The following GPC6 variants were observed in gnomAD, a reference collection of about 807,000 sequenced individuals.
GPC6 encodes glypican-6.
GPC6 carries 14 observed loss-of-function variants against 55.2 expected under a neutral mutation model. The ratio of observed to expected loss-of-function variants is 0.25; its 90% CI spans 0.17 to 0.40. The LOEUF is 0.40. GPC6 is among the 10% of genes least tolerant of loss of function. The probability of loss-of-function intolerance (pLI) is 1.00; values close to 1 mark genes in which losing one functional copy is unlikely to be tolerated. For missense variants in GPC6, 641 were observed against 708.5 expected (o/e 0.90, Z 1.08); for synonymous variants, 278 against 259.6 (o/e 1.07, Z -0.68).
At chr13:93,418,700 G>A (rs149780923) in intron 1 of GPC6, among the ~76,000 whole-genome samples, 2,842 of 149,672 alleles carry the variant, frequency 0.019, 111 homozygotes, top group African/African-American at 0.066. Context: ...ATACCGTAGT[G>A]TCATTTTGTT....
At chr13:93,221,622 T>C in the GPC6 span, among the ~76,000 whole-genome samples, 2 of 152,230 alleles carry the variant, frequency 1.3e-5, no homozygotes, top group Non-Finnish European at 2.9e-5. Context: ...TAGTATTTCA[T>C]TGGATATAAA....
intron 3 of GPC6, among the ~76,000 whole-genome samples, chr13:93,916,631 T>A (rs1240307732): frequency 1.3e-5 from 2 of 152,166 alleles, no homozygotes; most frequent in Admixed American, 6.5e-5. Context: ...GAAAGCAGAT[T>A]TTTTTTCTGC....
At chr13:93,798,264 A>G (rs560518576) in intron 2 of GPC6, among the ~76,000 whole-genome samples, 1 of 152,228 alleles carries the variant, frequency 6.6e-6, no homozygotes, top group South Asian at 2.1e-4. Context: ...TCTAATTGGG[A>G]CTAGATTTAA....
intron 2 of GPC6, among the ~76,000 whole-genome samples, chr13:93,669,236 T>C (rs1340163979): frequency 6.6e-6 from 1 of 152,170 alleles, no homozygotes. Flanking sequence ...GGCATTGTAT[T>C]GCAATGCCGG....
chr13:93,243,279 A>G (rs780351344), intron 1 of GPC6, among the ~76,000 whole-genome samples: 108 of 152,202 alleles, frequency 7.1e-4, no homozygotes, highest in Admixed American at 1.6e-3. Flanking sequence ...GATTCTTCCA[A>G]TGAACTTTCC....
chr13:93,223,180 G>T (rs1430249285), upstream of GPC6, among the ~76,000 whole-genome samples: 3 of 152,130 alleles, frequency 2.0e-5, no homozygotes, highest in South Asian at 4.1e-4. Context: ...AAGCAAAAAA[G>T]AAAGGGCGAT....
chr13:94,014,311 C>A (rs957130069), intron 3 of GPC6, among the ~76,000 whole-genome samples: 1 of 152,292 alleles, frequency 6.6e-6, no homozygotes, highest in East Asian at 1.9e-4. Flanking sequence ...AGGTCATGCA[C>A]GTCAAGCTAA....
Position 93,547,808 on chromosome 13 carries a change from C to A in GPC6, c.319+2387C>A, listed in dbSNP as rs566692751. On this transcript the variant is annotated intron_variant, in intron 2 of 8. Transcript: ENST00000377047. Reference sequence around the variant, plus strand: ...ACTTAATAATAATAATAATAATCATCATCATCATCAATTAAAAAGTCACTG... The same window carrying A: ...ACTTAATAATAATAATAATAATCATAATCATCATCAATTAAAAAGTCACTG... 1.4e-3 allele frequency among the ~76,000 whole-genome samples: 207 copies of A among 151,954 alleles called. 1 individual carries two copies. The highest frequency in any genetic ancestry group is 2.5e-3 in the African/African-American group (102 of 41,446).
chr13:93,658,985 A>G (rs1238450535), intron 2 of GPC6, among the ~76,000 whole-genome samples: 2 of 151,910 alleles, frequency 1.3e-5, no homozygotes, highest in African/African-American at 4.8e-5. Context: ...TTTCATCAGT[A>G]AAAGCATAGA....
At chr13:93,865,630 ACTGT>A (rs1200396005) in intron 3 of GPC6, among the ~76,000 whole-genome samples, 1 of 151,714 alleles carries the variant, frequency 6.6e-6, no homozygotes, top group African/African-American at 2.4e-5. Context: ...GCAAGACTGC[ACTGT>A]CTTTCATATA....
chr13:94,277,324 A>G lies in GPC6; in HGVS notation c.878-9025A>G, dbSNP rs1892247054. Among the ~76,000 whole-genome samples the G allele has an allele frequency of 3.3e-5, 5 of 150,076 alleles. No homozygotes were observed. In the South Asian group the frequency reaches 1.0e-3, roughly 31 times the overall value. On this transcript the variant is annotated intron_variant, in intron 4 of 8. Coordinates refer to ENST00000377047, the MANE Select transcript of GPC6 (RefSeq NM_005708.5). ...TTTTTAAGTTCCTTGTAGGTTTTAG[A>G]TATTAGACCTTTGTCAGATGGGTAG...
intron 4 of GPC6, among the ~76,000 whole-genome samples, chr13:94,116,397 A>G (rs548535518): frequency 6.6e-6 from 1 of 152,208 alleles, no homozygotes; most frequent in Non-Finnish European, 1.5e-5. Context: ...TGTCATATGT[A>G]AAGGTGCACA....
intron 1 of GPC6, among the ~76,000 whole-genome samples, chr13:93,425,794 C>T (rs1436735284): frequency 6.6e-6 from 1 of 152,124 alleles, no homozygotes; most frequent in Non-Finnish European, 1.5e-5. Context: ...TGTCTCACCC[C>T]TCTCCCAGCT....
intron 6 of GPC6, among the ~76,000 whole-genome samples, chr13:94,364,489 G>A (rs1217160690): frequency 3.3e-5 from 5 of 152,130 alleles, no homozygotes; most frequent in Non-Finnish European, 7.4e-5. Flanking sequence ...GGTGACATTT[G>A]TACTCATTAA....
chr13:94,352,103 G>C (rs1272338085), intron 6 of GPC6, among the ~76,000 whole-genome samples: 1 of 152,094 alleles, frequency 6.6e-6, no homozygotes, highest in Non-Finnish European at 1.5e-5. Context: ...CTCCTGGAAA[G>C]AGATGTGTGC....
chr13:94,323,542 G>T (rs1461485366), intron 6 of GPC6, among the ~76,000 whole-genome samples: 6 of 152,108 alleles, frequency 3.9e-5, no homozygotes, highest in African/African-American at 1.4e-4. Context: ...TAAATAACGT[G>T]TGCATATGGA....
chr13:93,302,288 AATTTGCACT>A, intron 1 of GPC6, among the ~76,000 whole-genome samples: 1 of 152,170 alleles, frequency 6.6e-6, no homozygotes, highest in Admixed American at 6.5e-5. Context: ...AAAAGTCTTT[AATTTGCACT>A]GGTAAATGAT....
intron 1 of GPC6, among the ~76,000 whole-genome samples, chr13:93,444,209 T>TTTTTTTTTTG (rs1272772012): frequency 2.6e-5 from 4 of 151,212 alleles, no homozygotes; most frequent in Admixed American, 6.6e-5. Flanking sequence ...TTTTTTTTTT[T>TTTTTTTTTTG]TTTTTGGTAA....
chr13:93,473,936 G>C (rs984524134), intron 1 of GPC6, among the ~76,000 whole-genome samples: 3 of 152,084 alleles, frequency 2.0e-5, no homozygotes, highest in Non-Finnish European at 4.4e-5. Flanking sequence ...GCTGCCTTGG[G>C]TATGTGGGGC....
Sources: gnomAD v4.1 joint callset for allele counts (sites outside exome capture counted in the v4.1 genomes callset) on GRCh38, gnomAD v4.1.1 for gene constraint, MANE v1.5 for transcripts, NCBI Gene and HGNC (gene_info 2026-07-23, HGNC 2026-07-21) for gene names.